Variants in GLDC observed in about 807,000 individuals in gnomAD.
The protein encoded by GLDC is glycine dehydrogenase (decarboxylating), mitochondrial.
Under a neutral mutation model 121.3 loss-of-function variants are expected in GLDC, and 104 were observed. The ratio of observed to expected loss-of-function variants is 0.86; its 90% CI spans 0.73 to 1.01. The LOEUF (loss-of-function observed/expected upper bound fraction) is 1.01, where lower values mean the gene tolerates loss of function less well. Among genes scored for constraint, GLDC ranks in the 50% least tolerant of loss-of-function variants. The pLI is 0.00. For synonymous variants in GLDC, 546 were observed against 480.6 expected (o/e 1.14, Z -1.78); for missense variants, 1,429 against 1,306.6 (o/e 1.09, Z -1.44).
In GLDC at chr9:6,645,458, G is replaced by A. The variant is rs2130032913; in HGVS notation, c.42C>T (p.Arg14=). ...CARAWGLRLG[R]GVGGGRRLAG... Reference sequence around the variant, plus strand: ...CCAGGCGGCGGCCGCCCCCGACCCCGCGGCCCAGGCGCAGCCCCCACGCCC... The same window carrying A: ...CCAGGCGGCGGCCGCCCCCGACCCCACGGCCCAGGCGCAGCCCCCACGCCC... The change falls in exon 1 of 25, where the codon CGC becomes CGT. Residue 14 remains arginine (R), a synonymous_variant. Coordinates refer to ENST00000321612, the MANE Select transcript of GLDC (RefSeq NM_000170.3). The A allele has an allele frequency of 8.8e-6, 11 of 1,248,036 alleles. No individual in the cohort carries two copies. The highest frequency in any genetic ancestry group is 7.0e-6 in the Non-Finnish European group (7 of 1,002,720). The allele number at this position is 1,248,036 out of a possible 1,614,324, so 77.3% of individuals were successfully genotyped here.
chr9:6,603,738 T>C (rs1818670677), intron 7 of GLDC, among the ~76,000 whole-genome samples: 1 of 148,102 alleles, frequency 6.8e-6, no homozygotes, highest in African/African-American at 2.5e-5. Context: ...TTTTTTTTCT[T>C]TTTTTTTTTT....
chr9:6,586,965 C>G (rs1020295188), intron 15 of GLDC, among the ~76,000 whole-genome samples, 176 bp downstream of exon 15: 1 of 152,164 alleles, frequency 6.6e-6, no homozygotes, highest in Non-Finnish European at 1.5e-5. Context: ...AGCTCCTCAC[C>G]AGCTATGTGA....
intron 4 of GLDC, among the ~76,000 whole-genome samples, chr9:6,606,899 C>T (rs535312189): frequency 6.6e-6 from 1 of 152,010 alleles, no homozygotes; most frequent in African/African-American, 2.4e-5. Context: ...GTGATAAAAC[C>T]TCGTCTCTAC....
intron 4 of GLDC, among the ~76,000 whole-genome samples, chr9:6,607,497 G>A (rs1281423841): frequency 6.6e-6 from 1 of 151,278 alleles, no homozygotes; most frequent in Non-Finnish European, 1.5e-5. Flanking sequence ...CAGGAGAATT[G>A]CTTGAACCCG....
chr9:6,539,949 C>T, intron 22 of GLDC, 102 bp downstream of exon 22: 2 of 824,130 alleles, frequency 2.4e-6, no homozygotes, highest in Admixed American at 1.8e-5. Context: ...CCCCATTTAT[C>T]CCCCAGATCA....
At chr9:6,543,603 G>A (rs982341888) in intron 21 of GLDC, among the ~76,000 whole-genome samples, 3 of 152,148 alleles carry the variant, frequency 2.0e-5, no homozygotes, top group Non-Finnish European at 2.9e-5. Flanking sequence ...ACTCTATTGC[G>A]TTCAAATAGA....
At chr9:6,580,406 G>A (rs895469537) in intron 15 of GLDC, among the ~76,000 whole-genome samples, 8 of 152,088 alleles carry the variant, frequency 5.3e-5, no homozygotes, top group Non-Finnish European at 8.8e-5. Flanking sequence ...TCCGCCCCTC[G>A]GAACCAACAA....
intron 24 of GLDC, 133 bp downstream of exon 24, chr9:6,534,575 C>T: frequency 1.5e-6 from 1 of 671,728 alleles, no homozygotes; most frequent in South Asian, 1.5e-5. Flanking sequence ...CTCCTCATTC[C>T]TCTTCAAGAC....
chr9:6,555,172 G>A (rs17499965), intron 18 of GLDC, among the ~76,000 whole-genome samples: 2 of 152,016 alleles, frequency 1.3e-5, no homozygotes, highest in African/African-American at 2.4e-5. Context: ...CTTCCCCTGC[G>A]TGGTCGGCTT....
At chr9:6,578,781 C>T (rs1277597004) in intron 15 of GLDC, among the ~76,000 whole-genome samples, 1 of 152,172 alleles carries the variant, frequency 6.6e-6, no homozygotes, top group Non-Finnish European at 1.5e-5. Context: ...GATCCTCCTG[C>T]CTCAGCCTCC....
At chr9:6,554,530 C>A (rs988902343) in intron 19 of GLDC, 139 bp downstream of exon 19, 3 of 725,638 alleles carry the variant, frequency 4.1e-6, no homozygotes, top group African/African-American at 1.7e-5. Context: ...TGCTGCTCCT[C>A]CCCCAGCCCC....
intron 2 of GLDC, among the ~76,000 whole-genome samples, chr9:6,634,607 C>G (rs1819463207): frequency 6.6e-6 from 1 of 152,106 alleles, no homozygotes; most frequent in Non-Finnish European, 1.5e-5. Flanking sequence ...AAGCCAGTGA[C>G]TAAGCTCTGC....
At chr9:6,599,942 C>A (rs1163974019) in intron 8 of GLDC, among the ~76,000 whole-genome samples, 3 of 152,108 alleles carry the variant, frequency 2.0e-5, no homozygotes, top group Non-Finnish European at 4.4e-5. Flanking sequence ...ATAAGAAGAT[C>A]TTATTGCCCA....
intron 2 of GLDC, among the ~76,000 whole-genome samples, chr9:6,644,029 C>CAAAAAAAAAAAAAA (rs531081758): frequency 2.7e-4 from 5 of 18,332 alleles, no homozygotes; most frequent in Admixed American, 8.3e-4. Flanking sequence ...GATTCTGTCT[C>CAAAAAAAAAAAAAA]AAAAAAAAAA....
At chr9:6,638,746 C>T (rs1035253921) in intron 2 of GLDC, among the ~76,000 whole-genome samples, 1 of 152,068 alleles carries the variant, frequency 6.6e-6, no homozygotes, top group African/African-American at 2.4e-5. Context: ...CACGGTGGCT[C>T]CCGCCTATAA....
chr9:6,569,857 T>C (rs915042263), intron 15 of GLDC, among the ~76,000 whole-genome samples: 1 of 151,898 alleles, frequency 6.6e-6, no homozygotes, highest in African/African-American at 2.4e-5. Context: ...GCATCTGTAA[T>C]CCCAGCTACT....
intron 22 of GLDC, among the ~76,000 whole-genome samples, chr9:6,537,452 A>G (rs201873751): frequency 1.9e-3 from 295 of 152,320 alleles, no homozygotes; most frequent in Non-Finnish European, 3.3e-3. Context: ...TAACATCTGC[A>G]TGATTTCAAA....
chr9:6,625,270 G>C (rs980702478), intron 2 of GLDC, among the ~76,000 whole-genome samples: 7 of 152,044 alleles, frequency 4.6e-5, no homozygotes, highest in African/African-American at 1.7e-4. Flanking sequence ...TGCACTGATT[G>C]CTCTCTCACT....
chr9:6,638,107 G>A (rs899072490), intron 2 of GLDC, among the ~76,000 whole-genome samples: 3 of 151,960 alleles, frequency 2.0e-5, no homozygotes, highest in Non-Finnish European at 1.5e-5. Context: ...GGATGATCCC[G>A]CAACAACATT....
Sources: allele counts gnomAD v4.1 joint callset (sites outside exome capture counted in the v4.1 genomes callset), GRCh38; gene constraint gnomAD v4.1.1; transcripts MANE v1.5; gene names NCBI Gene and HGNC (gene_info 2026-07-23, HGNC 2026-07-21).